RBL1: variants seen among roughly 807,000 people sequenced by gnomAD.
RBL1 encodes the protein RB transcriptional corepressor like 1.
RBL1 carries 82 observed loss-of-function variants against 123.0 expected under a neutral mutation model. The ratio of observed to expected loss-of-function variants is 0.67; its 90% CI spans 0.56 to 0.80. The LOEUF is 0.80. Ranked by LOEUF, RBL1 falls within the 30% of genes least tolerant of loss-of-function variation. RBL1 has a pLI of 0.00. For missense variants in RBL1, 1,171 were observed against 1,299.6 expected (o/e 0.90, Z 1.52); for synonymous variants, 405 against 441.3 (o/e 0.92, Z 1.03).
At chr20:37,026,032 C>G (rs1156263751) in intron 16 of RBL1, among the ~76,000 whole-genome samples, 1 of 151,848 alleles carries the variant, frequency 6.6e-6, no homozygotes, top group Admixed American at 6.6e-5. Context: ...CGTGAGCCAC[C>G]GACCTGGCCA....
chr20:37,036,262 T>C (rs2064609539), intron 14 of RBL1, among the ~76,000 whole-genome samples: 1 of 152,184 alleles, frequency 6.6e-6, no homozygotes, highest in African/African-American at 2.4e-5. Flanking sequence ...AGGTCAATAA[T>C]ATGCTTTTAA....
chr20:37,052,432 A>T (rs936427550), intron 11 of RBL1, among the ~76,000 whole-genome samples: 1 of 151,894 alleles, frequency 6.6e-6, no homozygotes, highest in Admixed American at 6.6e-5. Flanking sequence ...CCCGGGCTCA[A>T]GCGATTCTCC....
At chr20:37,036,380 C>T (rs1187746567) in intron 14 of RBL1, among the ~76,000 whole-genome samples, 4 of 152,008 alleles carry the variant, frequency 2.6e-5, no homozygotes, top group South Asian at 2.1e-4. Flanking sequence ...TGGGTTCAAG[C>T]GATTCTCCTG....
At chr20:37,008,556 G>C (rs911926538) in intron 19 of RBL1, among the ~76,000 whole-genome samples, 1 of 152,160 alleles carries the variant, frequency 6.6e-6, no homozygotes, top group South Asian at 2.1e-4. Context: ...GGAAGGAAGA[G>C]TATTACAGGG....
intron 15 of RBL1, among the ~76,000 whole-genome samples, chr20:37,034,873 C>T (rs1469571686): frequency 6.6e-6 from 1 of 151,876 alleles, no homozygotes; most frequent in Non-Finnish European, 1.5e-5. Context: ...TGTCATTATA[C>T]GTTCTCAAAA....
At chr20:37,089,520 T>C (rs1420203459) in intron 1 of RBL1, among the ~76,000 whole-genome samples, 1 of 152,046 alleles carries the variant, frequency 6.6e-6, no homozygotes, top group Non-Finnish European at 1.5e-5. Context: ...GGTGCTTGCC[T>C]GCAGTCCCAG....
chr20:37,080,612 T>A (rs1387305775), intron 2 of RBL1, among the ~76,000 whole-genome samples: 1 of 151,244 alleles, frequency 6.6e-6, no homozygotes, highest in South Asian at 2.1e-4. Context: ...ACACCCACCA[T>A]TGCGCCCAGC....
intron 21 of RBL1, chr20:37,003,473 C>T (rs2064018918): frequency 1.1e-6 from 1 of 874,488 alleles, no homozygotes; most frequent in Non-Finnish European, 1.5e-6. Flanking sequence ...AACAGGAAAA[C>T]ATGCTGGACT....
At chr20:37,036,030 A>G (rs753469172) in intron 14 of RBL1, among the ~76,000 whole-genome samples, 37 of 152,194 alleles carry the variant, frequency 2.4e-4, no homozygotes, top group Non-Finnish European at 4.9e-4. Flanking sequence ...GATGATATAA[A>G]TCTGCTTACC....
intron 16 of RBL1, among the ~76,000 whole-genome samples, chr20:37,031,435 C>G (rs1196020841): frequency 6.6e-6 from 1 of 151,960 alleles, no homozygotes; most frequent in Non-Finnish European, 1.5e-5. Context: ...GGCAAAAGCA[C>G]ATGAAAAGAT....
Position 37,061,126 on chromosome 20 carries a change from A to C in RBL1, c.1227T>G (p.Ser409Arg). Residue 409 changes from serine to arginine, a missense_variant, in exon 9 of 22, where the codon AGT (serine) becomes AGG (arginine). Coordinates refer to ENST00000373664, the MANE Select transcript of RBL1 (RefSeq NM_002895.5). ...ACTCAAAAATATTTATAAGTTGGTCACTTGGTGCATTTTTCAGACCAGCCA... is the reference window on the plus strand; with the variant it reads ...ACTCAAAAATATTTATAAGTTGGTCCCTTGGTGCATTTTTCAGACCAGCCA... ...SIVAGLKNAP[S>R]DQLINIFESC... 6.2e-7 allele frequency: 1 copy of C among 1,607,888 alleles called. No individual in the cohort carries two copies. The highest frequency in any genetic ancestry group is 8.5e-7 in the Non-Finnish European group (1 of 1,176,834).
intron 2 of RBL1, among the ~76,000 whole-genome samples, chr20:37,081,509 T>C (rs906538714): frequency 5.3e-5 from 8 of 151,914 alleles, no homozygotes; most frequent in African/African-American, 1.9e-4. Context: ...AAACAAAAAC[T>C]TAGCCAGGCA....
At position 37,020,658 on chromosome 20, in the gene RBL1, C is replaced by T. The variant is rs757223051; in HGVS notation, c.2631+1G>A. 2 of 1,566,690 alleles carry T rather than the reference C, an allele frequency of 1.3e-6. No individual in the cohort carries two copies. Among genetic ancestry groups the T allele is most frequent in the Non-Finnish European group, 1.7e-6 (2 of 1,151,680 alleles). ...ACAGTAGGAAAAATAATGTAACTCA[C>T]GTGACTATTAGCTTGGGGCTGATTC... On this transcript the variant is annotated splice_donor_variant, in intron 18 of 21. Transcript: ENST00000373664. LOFTEE classifies it high-confidence loss of function.
intron 2 of RBL1, among the ~76,000 whole-genome samples, chr20:37,078,484 A>C (rs1312560513): frequency 1.3e-5 from 2 of 152,160 alleles, no homozygotes; most frequent in African/African-American, 4.8e-5. Flanking sequence ...GGAGTCTACC[A>C]ATGGGAGTCT....
chr20:37,000,646 G>C (rs1170604624), intron 21 of RBL1, among the ~76,000 whole-genome samples: 1 of 134,882 alleles, frequency 7.4e-6, no homozygotes, highest in Non-Finnish European at 1.6e-5. Context: ...GGTGAGGGGC[G>C]CCTCTGCCCG....
intron 19 of RBL1, among the ~76,000 whole-genome samples, chr20:37,010,957 A>G (rs143561404): frequency 0.013 from 1,938 of 152,294 alleles, 17 homozygotes; most frequent in Non-Finnish European, 0.021. Context: ...TTGGGACTAC[A>G]GGTGTGAGCC....
intron 21 of RBL1, among the ~76,000 whole-genome samples, chr20:37,002,334 C>CTTTTTTTTTT (rs2063998489): frequency 1.9e-5 from 2 of 107,834 alleles, no homozygotes; most frequent in Non-Finnish European, 3.9e-5. Flanking sequence ...CTAGCCTTAT[C>CTTTTTTTTTT]TGTTTTTTTT....
intron 16 of RBL1, among the ~76,000 whole-genome samples, 197 bp downstream of exon 16, chr20:37,032,468 A>G (rs1028582945): frequency 6.6e-6 from 1 of 152,204 alleles, no homozygotes; most frequent in African/African-American, 2.4e-5. Context: ...AAAGTTCTGG[A>G]GATAGACGGT....
At chr20:37,069,473 A>C (rs909439862) in intron 2 of RBL1, among the ~76,000 whole-genome samples, 9 of 145,610 alleles carry the variant, frequency 6.2e-5, no homozygotes, top group African/African-American at 2.4e-4. Context: ...AGATGTGGGG[A>C]GCGCCTCTGC....
Sources: gnomAD v4.1 joint callset for allele counts (sites outside exome capture counted in the v4.1 genomes callset) on GRCh38, gnomAD v4.1.1 for gene constraint, MANE v1.5 for transcripts, NCBI Gene and HGNC (gene_info 2026-07-23, HGNC 2026-07-21) for gene names.